The following SIRT7 variants were observed in gnomAD, a reference collection of about 807,000 sequenced individuals.
SIRT7 encodes the protein NAD-dependent protein deacetylase sirtuin-7.
SIRT7 carries 32 observed loss-of-function variants against 42.8 expected under a neutral mutation model. That is an observed-to-expected ratio of 0.75 (90% CI 0.56 to 1.00). The LOEUF is 1.00. SIRT7 is among the 50% of genes least tolerant of loss of function. The probability of loss-of-function intolerance (pLI) is 0.00; values close to 1 mark genes in which losing one functional copy is unlikely to be tolerated. For missense variants in SIRT7, 553 were observed against 572.2 expected (o/e 0.97, Z 0.34); for synonymous variants, 297 against 245.2 (o/e 1.21, Z -1.97).
In SIRT7 at chr17:81,917,616, G is replaced by A. The variant is rs2040830050; in HGVS notation, c.335C>T (p.Thr112Met). 6.2e-7 allele frequency: 1 copy of A among 1,601,158 alleles called. No homozygotes were observed. The change falls in exon 3 of 10, where the codon ACG (threonine) becomes ATG (methionine). Residue 112 changes from threonine to methionine, a missense_variant and splice_region_variant. Thr to Met is a moderately conservative substitution (Grantham distance 81, BLOSUM62 -1). Transcript: ENST00000328666. The part of the protein sequence containing the change: ...LVVYTGAGIS[T>M]AASIPDYRGP... ...GTACGCCTCCGCCTCCCTCCCTACC[G>A]TGCTGATTCCCGCGCCTGTGTAGAC...
rs1271504496 is a variant in SIRT7 at position 81,917,896 on chromosome 17, C to G, written c.165G>C (p.Ala55=). ...AEEGRLLAES[A]DLVTELQGRS... Reference sequence around the variant, plus strand: ...GGCCCTGCAGCTCCGTTACCAGGTCCGCGCTCTCGGCCAGCAGCCGGCCCT... The same window carrying G: ...GGCCCTGCAGCTCCGTTACCAGGTCGGCGCTCTCGGCCAGCAGCCGGCCCT... The change falls in exon 2 of 10, where the codon GCG becomes GCC. Residue 55 remains alanine, a synonymous_variant. Coordinates refer to ENST00000328666, the MANE Select transcript of SIRT7 (RefSeq NM_016538.3). 7.0e-7 allele frequency: 1 copy of G among 1,430,554 alleles called. No homozygotes were observed. Among genetic ancestry groups the G allele is most frequent in the African/African-American group, 1.5e-5 (1 of 67,372 alleles). The allele number at this position is 1,430,554 out of a possible 1,614,324, so 88.6% of individuals were successfully genotyped here.
At position 81,912,124 on chromosome 17, in the gene SIRT7, T is replaced by C. The variant is rs1007697684; in HGVS notation, c.*292A>G. 4.1e-6 allele frequency: 2 copies of C among 485,306 alleles called. No homozygotes were observed. The highest frequency in any genetic ancestry group is 7.5e-6 in the Non-Finnish European group (2 of 267,952). The allele number at this position is 485,306 out of a possible 1,614,324, so 30.1% of individuals were successfully genotyped here. ...TGAGCGAGGAAAGGCCGCTGGGCGC[T>C]TCCACTCTGCAGGCCGGGGCTGAAA... On this transcript the variant is annotated 3_prime_UTR_variant, in exon 10 of 10. Coordinates refer to ENST00000328666, the MANE Select transcript of SIRT7 (RefSeq NM_016538.3).
At position 81,912,377 on chromosome 17, in the gene SIRT7, C is replaced by T. The variant is rs1217559268; in HGVS notation, c.*39G>A. The T allele has an allele frequency of 6.2e-7, 1 of 1,612,648 alleles. No individual in the cohort carries two copies. Among genetic ancestry groups the T allele is most frequent in the African/African-American group, 1.3e-5 (1 of 74,932 alleles). On this transcript the variant is annotated 3_prime_UTR_variant, in exon 10 of 10. Coordinates refer to ENST00000328666, the MANE Select transcript of SIRT7 (RefSeq NM_016538.3). Reference sequence around the variant, plus strand: ...ACCCAGCCTTCACCGTGACACTGGCCATCTGCAAAGTGCCAACTGTTCTTC... The same window carrying T: ...ACCCAGCCTTCACCGTGACACTGGCTATCTGCAAAGTGCCAACTGTTCTTC...
At position 81,912,411 on chromosome 17, in the gene SIRT7, C is replaced by T. The variant is rs370911311; in HGVS notation, c.*5G>A. 5.0e-6 allele frequency: 8 copies of T among 1,613,998 alleles called. No homozygotes were observed. In the Admixed American group the frequency reaches 5.0e-5, roughly 10 times the overall value. The stretch of plus-strand genomic sequence containing the variant: ...AGTGCCAACTGTTCTTCATCGAGCA[C>T]GTGATTACGTCACTTTCTTCCTTTT... On this transcript the variant is annotated 3_prime_UTR_variant, in exon 10 of 10. Coordinates refer to ENST00000328666, the MANE Select transcript of SIRT7 (RefSeq NM_016538.3).
At chr17:81,915,712 C>T in intron 3 of SIRT7, 31 bp from the exon 4 acceptor site, 3 of 1,609,260 alleles carry the variant, frequency 1.9e-6, no homozygotes, top group Non-Finnish European at 2.5e-6. Context: ...TAAGCCAAGT[C>T]AAAAGGCACC....
chr17:81,916,036 C>T (rs754503154), intron 3 of SIRT7: 80 of 327,228 alleles, frequency 2.4e-4, no homozygotes, highest in Non-Finnish European at 4.4e-4. Context: ...AAAGTGCCCC[C>T]AGGGCCGAGC....
intron 3 of SIRT7, chr17:81,917,380 C>T (rs1330161929): frequency 2.4e-6 from 1 of 422,174 alleles, no homozygotes; most frequent in Non-Finnish European, 4.2e-6. Context: ...GTCCACATAA[C>T]CTGGGGGTGC....
Position 81,912,228 on chromosome 17 carries a change from G to A in SIRT7, c.*188C>T. 1 of 687,054 alleles carries A rather than the reference G, an allele frequency of 1.5e-6. No individual in the cohort carries two copies. 42.6% of individuals were successfully genotyped at this position (687,054 alleles called of 1,614,324 possible). A position where few individuals can be genotyped will look rare whatever the true frequency, so the allele number is the denominator to read the frequency against. Reference sequence around the variant, plus strand: ...GGCCGGATGGGCAGGTGTCCTCGATGGCCAGGCCGTATCAGGGTACAACCG... The same window carrying A: ...GGCCGGATGGGCAGGTGTCCTCGATAGCCAGGCCGTATCAGGGTACAACCG... On this transcript the variant is annotated 3_prime_UTR_variant, in exon 10 of 10. Coordinates refer to ENST00000328666, the MANE Select transcript of SIRT7 (RefSeq NM_016538.3).
rs554317482 is a variant in SIRT7, at chr17:81,913,643, C to G, written c.1004+131G>C. On this transcript the variant is annotated intron_variant, in intron 9 of 9. Coordinates refer to ENST00000328666, the MANE Select transcript of SIRT7 (RefSeq NM_016538.3). The surrounding 1 kb of genome is among the most constrained non-coding windows in gnomAD (Gnocchi z 5.0). The stretch of plus-strand genomic sequence containing the variant: ...AGGTCAGGCCCTCTGGAGACCACCA[C>G]GCTTCAGTCATGCCTCAGGCACCAC... 109 of 778,792 alleles carry G rather than the reference C, an allele frequency of 1.4e-4. No individual in the cohort carries two copies. The African/African-American group carries it at 1.8e-3, about 13-fold the overall frequency. The allele number at this position is 778,792 out of a possible 1,614,324, so 48.2% of individuals were successfully genotyped here. A position where few individuals can be genotyped will look rare whatever the true frequency, so the allele number is the denominator to read the frequency against.
At chr17:81,915,849 A>T in intron 3 of SIRT7, 168 bp from the exon 4 acceptor site, 1 of 724,596 alleles carries the variant, frequency 1.4e-6, no homozygotes, top group Admixed American at 2.2e-5. Flanking sequence ...TATGGAGTGT[A>T]CCCCAATTCG....
rs560581700 is a variant in SIRT7 at position 81,912,673 on chromosome 17, C to A, written c.1005-59G>T. 1.9e-6 allele frequency: 3 copies of A among 1,543,428 alleles called. No homozygotes were observed. In the East Asian group the frequency reaches 7.2e-5, roughly 37 times the overall value. ...TGGGAGCCTCTCGCAGTCACACCTG[C>A]CCCAGCTCGGGAAAGCTGTCTGCGG... On this transcript the variant is annotated intron_variant, in intron 9 of 9. Coordinates refer to ENST00000328666, the MANE Select transcript of SIRT7 (RefSeq NM_016538.3).
At position 81,915,695 on chromosome 17, in the gene SIRT7, A is replaced by G; in HGVS notation, c.337-14T>C. ...GATAGACGCTGCCTGCATGTCGAGAAAAAAGGTAAGCCAAGTCAAAAGGCA... is the reference window on the plus strand; with the variant it reads ...GATAGACGCTGCCTGCATGTCGAGAGAAAAGGTAAGCCAAGTCAAAAGGCA... On this transcript the variant is annotated splice_polypyrimidine_tract_variant and intron_variant, in intron 3 of 9. Coordinates refer to ENST00000328666, the MANE Select transcript of SIRT7 (RefSeq NM_016538.3). The G allele has an allele frequency of 6.2e-7, 1 of 1,613,370 alleles. No individual in the cohort carries two copies. Among genetic ancestry groups the G allele is most frequent in the Non-Finnish European group, 8.5e-7 (1 of 1,179,808 alleles).
intron 3 of SIRT7, 32 bp downstream of exon 3, chr17:81,917,583 G>A (rs1305282091): frequency 1.3e-6 from 2 of 1,553,920 alleles, no homozygotes; most frequent in Non-Finnish European, 1.7e-6. Flanking sequence ...CTCATACTCC[G>A]TCCTGGGGTA....
At position 81,913,209 on chromosome 17, in the gene SIRT7, GA is replaced by G; in HGVS notation, c.1004+564del. 2.2e-6 allele frequency: 1 copy of G among 450,868 alleles called. No individual in the cohort carries two copies. The highest frequency in any genetic ancestry group is 4.4e-6 in the Non-Finnish European group (1 of 225,238). The allele number at this position is 450,868 out of a possible 1,614,324, so 27.9% of individuals were successfully genotyped here. A position where few individuals can be genotyped will look rare whatever the true frequency, so the allele number is the denominator to read the frequency against. On this transcript the variant is annotated intron_variant, in intron 9 of 9. Coordinates refer to ENST00000328666, the MANE Select transcript of SIRT7 (RefSeq NM_016538.3). This position sits in a 1 kb window ranked among gnomAD's most constrained non-coding sequence, Gnocchi z 5.0. Reference sequence around the variant, plus strand: ...AGAACACCACACACATAACATACAAGAAGTGCCAGGCCCAGAAGGTGAAGGG... The same window carrying G: ...AGAACACCACACACATAACATACAAGAGTGCCAGGCCCAGAAGGTGAAGGG...
Position 81,912,545 on chromosome 17 carries a change from C to T in SIRT7, c.1074G>A (p.Lys358=), listed in dbSNP as rs1329667032. The change falls in exon 10 of 10, where the codon AAG becomes AAA. Residue 358 remains lysine (K), a synonymous_variant. Transcript: ENST00000328666. ...RAGEEGSHSR[K]SLCRSREEAP... ...CCTCCTCTCTGCTTCTGCACAGCGA[C>T]TTCCGACTGTGGCTGCCTTCTTCAC... 2.5e-6 allele frequency: 4 copies of T among 1,613,772 alleles called. No individual in the cohort carries two copies. The African/African-American group carries it at 4.0e-5, about 16-fold the overall frequency.
At chr17:81,915,415 T>C (rs766802369) in intron 5 of SIRT7, 25 bp downstream of exon 5, 1 of 1,606,784 alleles carries the variant, frequency 6.2e-7, no homozygotes, top group South Asian at 1.1e-5. Flanking sequence ...CCCTGGCAAG[T>C]GTACCAGCCA....
At chr17:81,914,999 G>A in intron 5 of SIRT7, 1 of 516,406 alleles carries the variant, frequency 1.9e-6, no homozygotes, top group Non-Finnish European at 3.5e-6. Flanking sequence ...TCGGGGTTTG[G>A]CAAGGGCCAC....
rs1432864063 is a variant in SIRT7 at position 81,913,424 on chromosome 17, A to C, written c.1004+350T>G. The C allele has an allele frequency of 2.2e-6, 1 of 449,410 alleles. No individual in the cohort carries two copies. Among genetic ancestry groups the C allele is most frequent in the Admixed American group, 2.6e-5 (1 of 38,720 alleles). 27.8% of individuals were successfully genotyped at this position (449,410 alleles called of 1,614,324 possible). On this transcript the variant is annotated intron_variant, in intron 9 of 9. Coordinates refer to ENST00000328666, the MANE Select transcript of SIRT7 (RefSeq NM_016538.3). The surrounding 1 kb of genome is among the most constrained non-coding windows in gnomAD (Gnocchi z 5.0). The stretch of plus-strand genomic sequence containing the variant: ...CAAAGTACGCCAACTCCCAAAACCA[A>C]GCACACAGATTCTGTCTGACCAGAG...
At chr17:81,914,790 GC>G in intron 5 of SIRT7, 88 bp from the exon 6 acceptor site, 1 of 1,108,290 alleles carries the variant, frequency 9.0e-7, no homozygotes, top group East Asian at 2.4e-5. Flanking sequence ...GCTGTTCTGA[GC>G]CCCGCCGATG....
Sources: allele counts gnomAD v4.1 joint callset, GRCh38; gene constraint gnomAD v4.1.1; non-coding constraint Gnocchi (gnomAD v3.1); transcripts MANE v1.5; gene names NCBI Gene and HGNC (gene_info 2026-07-23, HGNC 2026-07-21).